The following TSC2 variants were observed in gnomAD, a reference collection of about 807,000 sequenced individuals.
The protein encoded by TSC2 is TSC complex subunit 2.
TSC2 carries 29 observed loss-of-function variants against 202.2 expected under a neutral mutation model. The ratio of observed to expected loss-of-function variants is 0.14; its 90% CI spans 0.11 to 0.20. The LOEUF (loss-of-function observed/expected upper bound fraction) is 0.20. TSC2 is among the 10% of genes least tolerant of loss of function. The pLI, the probability that TSC2 is intolerant of heterozygous loss-of-function variation, is 1.00. For missense variants in TSC2, 2,429 were observed against 2,420.0 expected (o/e 1.00, Z -0.08); for synonymous variants, 1,349 against 1,044.0 (o/e 1.29, Z -5.63).
chr16:2,075,885 CCCT>C lies in TSC2; in HGVS notation c.2635_2637del (p.Ser879del). The C allele has an allele frequency of 6.2e-7, 1 of 1,613,220 alleles. No homozygotes were observed. The highest frequency in any genetic ancestry group is 1.1e-5 in the South Asian group (1 of 91,088). On this transcript the variant is annotated inframe_deletion, in exon 23 of 42. Transcript: ENST00000219476. ...CGCCATCTCCCTGCCGTACACCAACCCCTCCAAGTGAGTGGTCGCCCCAGGCCC... is the reference window on the plus strand; with the variant it reads ...CGCCATCTCCCTGCCGTACACCAACCCCAAGTGAGTGGTCGCCCCAGGCCC...
At position 2,080,391 on chromosome 16, in the gene TSC2, C is replaced by T. The variant is rs2089984145; in HGVS notation, c.3610+14C>T. 6.2e-7 allele frequency: 1 copy of T among 1,608,850 alleles called. No individual in the cohort carries two copies. The highest frequency in any genetic ancestry group is 8.5e-7 in the Non-Finnish European group (1 of 1,178,558). On this transcript the variant is annotated intron_variant, in intron 30 of 41. Transcript: ENST00000219476. ...GGAGGCCCACAGGTACTGGGCGGGG[C>T]TGGCCTGAGCGCCATCTTTCTGCCA...
intron 6 of TSC2, 61 bp from the exon 7 acceptor site, chr16:2,056,135 G>C: frequency 6.2e-7 from 1 of 1,606,616 alleles, no homozygotes; most frequent in Non-Finnish European, 8.5e-7. Flanking sequence ...CTAGACCACA[G>C]CCCGTGGTGG....
intron 25 of TSC2, chr16:2,077,376 C>T: frequency 1.5e-6 from 1 of 650,936 alleles, no homozygotes; most frequent in South Asian, 1.8e-5. Context: ...CTTACTTGTT[C>T]TCAGTCATGT....
At position 2,088,101 on chromosome 16, in the gene TSC2, C is replaced by G. The variant is rs1168265181; in HGVS notation, c.5122C>G (p.Leu1708Val). Residue 1708 changes from leucine (L) to valine (V), a missense_variant, in exon 40 of 42, where the codon CTG becomes GTG. Physicochemically the swap from Leu to Val is conservative, Grantham distance 32. Coordinates refer to ENST00000219476, the MANE Select transcript of TSC2 (RefSeq NM_000548.5). ...SVAKIVSDRN[L>V]PFVARQMALH... Reference sequence around the variant, plus strand: ...GGCCAAGATCGTGTCTGACCGCAACCTGCCCTTCGTGGCCCGCCAGATGGC... The same window carrying G: ...GGCCAAGATCGTGTCTGACCGCAACGTGCCCTTCGTGGCCCGCCAGATGGC... The G allele has an allele frequency of 1.2e-6, 2 of 1,612,956 alleles. No homozygotes were observed. Among genetic ancestry groups the G allele is most frequent in the South Asian group, 1.1e-5 (1 of 91,090 alleles).
chr16:2,070,681 G>A, intron 17 of TSC2, 103 bp downstream of exon 17: 2 of 1,565,764 alleles, frequency 1.3e-6, no homozygotes, highest in Non-Finnish European at 1.7e-6. Flanking sequence ...CCCCAGGATG[G>A]GGCCTCAGCT....
In TSC2 at chr16:2,088,070, C is replaced by G. The variant is rs111675922; in HGVS notation, c.5091C>G (p.Thr1697=). ...CAGACATGGAGGGCCTTGTGGACACCAGCGTGGCCAAGATCGTGTCTGACC... is the reference window on the plus strand; with the variant it reads ...CAGACATGGAGGGCCTTGTGGACACGAGCGTGGCCAAGATCGTGTCTGACC... The part of the protein sequence containing the change: ...CRKDMEGLVD[T]SVAKIVSDRN... The change falls in exon 40 of 42, where the codon ACC becomes ACG. Residue 1697 remains threonine, a synonymous_variant. Transcript: ENST00000219476. 6.2e-7 allele frequency: 1 copy of G among 1,612,760 alleles called. No homozygotes were observed. Among genetic ancestry groups the G allele is most frequent in the South Asian group, 1.1e-5 (1 of 91,084 alleles).
chr16:2,048,147 C>T, intron 1 of TSC2, 82 bp downstream of exon 1: 1 of 1,530,296 alleles, frequency 6.5e-7, no homozygotes, highest in South Asian at 1.2e-5. Context: ...TGTCCGGGTC[C>T]CGGGCCCTCA....
rs2085629084 is a variant in TSC2, at chr16:2,055,262, T to G, written c.482-140T>G. 6.5e-6 allele frequency: 5 copies of G among 766,864 alleles called. No individual in the cohort carries two copies. The East Asian group carries it at 1.2e-4, about 19-fold the overall frequency. The allele number at this position is 766,864 out of a possible 1,614,324, so 47.5% of individuals were successfully genotyped here. A position where few individuals can be genotyped will look rare whatever the true frequency, so the allele number is the denominator to read the frequency against. On this transcript the variant is annotated intron_variant, in intron 5 of 41. Transcript: ENST00000219476. Reference sequence around the variant, plus strand: ...GAGCCTCTTCGGGCCCAGTGCGTGGTCTGTCTGTTGCTGCCGGGGGACTGA... The same window carrying G: ...GAGCCTCTTCGGGCCCAGTGCGTGGGCTGTCTGTTGCTGCCGGGGGACTGA...
chr16:2,079,811 C>A lies in TSC2; in HGVS notation c.3397+142C>A, dbSNP rs1012020296. The A allele has an allele frequency of 3.0e-5, 24 of 805,794 alleles. No individual in the cohort carries two copies. Among genetic ancestry groups the A allele is most frequent in the Non-Finnish European group, 3.6e-5 (19 of 523,142 alleles). The allele number at this position is 805,794 out of a possible 1,614,324, so 49.9% of individuals were successfully genotyped here. A position where few individuals can be genotyped will look rare whatever the true frequency, so the allele number is the denominator to read the frequency against. On this transcript the variant is annotated intron_variant, in intron 29 of 41. Coordinates refer to ENST00000219476, the MANE Select transcript of TSC2 (RefSeq NM_000548.5). This position sits in a 1 kb window ranked among gnomAD's most constrained non-coding sequence, Gnocchi z 4.6. ...GCCCACGTCCTGACTCTGGGGTGAG[C>A]CTTCCACAGCTCACCCCAGAGCCGT...
chr16:2,064,645 A>T, intron 15 of TSC2: 1 of 688,024 alleles, frequency 1.5e-6, no homozygotes, highest in East Asian at 2.8e-5. Flanking sequence ...GTGTCCTGTC[A>T]CACTCTGGGA....
chr16:2,086,108 C>T (rs1327687762), intron 36 of TSC2, 85 bp from the exon 37 acceptor site: 9 of 1,539,072 alleles, frequency 5.8e-6, no homozygotes, highest in Non-Finnish European at 8.0e-6. Context: ...GGGCTCCCGG[C>T]AGAGCCTGCT....
chr16:2,075,475 C>T (rs574145274), intron 22 of TSC2, among the ~76,000 whole-genome samples: 7 of 131,344 alleles, frequency 5.3e-5, no homozygotes, highest in Non-Finnish European at 9.3e-5. Flanking sequence ...TGCAGTGAGC[C>T]GGGATCGCGC....
chr16:2,056,091 A>T, intron 6 of TSC2, 105 bp from the exon 7 acceptor site: 6 of 1,469,560 alleles, frequency 4.1e-6, no homozygotes, highest in Non-Finnish European at 5.6e-6. Flanking sequence ...CCCAGGGAGG[A>T]TGAGCCATGC....
At position 2,081,731 on chromosome 16, in the gene TSC2, G is replaced by A. The variant is rs199593904; in HGVS notation, c.3747G>A (p.Leu1249=). The stretch of plus-strand genomic sequence containing the variant: ...TCAAGGAGCACCGGGACACAGCCCT[G>A]TACAAGTCACTGTCGGTGCCGGCAG... ...ERFKEHRDTA[L]YKSLSVPAAS... The change falls in exon 31 of 42, where the codon CTG becomes CTA. Residue 1249 remains leucine (L), a synonymous_variant. Transcript: ENST00000219476. 4.0e-5 allele frequency: 64 copies of A among 1,612,964 alleles called. No individual in the cohort carries two copies. The Admixed American group carries it at 9.5e-4, about 24-fold the overall frequency.
chr16:2,080,302 G>A lies in TSC2; in HGVS notation c.3535G>A (p.Glu1179Lys), dbSNP rs45483391. The A allele has an allele frequency of 3.7e-6, 6 of 1,612,828 alleles. No homozygotes were observed. Among genetic ancestry groups the A allele is most frequent in the African/African-American group, 1.3e-5 (1 of 74,946 alleles). Residue 1179 changes from glutamate to lysine, a missense_variant, in exon 30 of 42, where the codon GAG becomes AAG. Transcript: ENST00000219476. ...AGCTGGCACCCGGGTTCCTGTGCAG[G>A]AGAAGACGAACCTGGCGGCCTATGT... ...ASAGTRVPVQ[E>K]KTNLAAYVPL...
At chr16:2,082,244 C>T (rs770508967) in intron 31 of TSC2, 192 bp from the exon 32 acceptor site, 7 of 652,106 alleles carry the variant, frequency 1.1e-5, no homozygotes, top group Middle Eastern at 4.1e-4. Flanking sequence ...CGTCTATTCA[C>T]GGGAGGAGGG....
intron 16 of TSC2, 79 bp from the exon 17 acceptor site, chr16:2,070,377 C>A: frequency 1.9e-6 from 3 of 1,611,954 alleles, no homozygotes; most frequent in Non-Finnish European, 2.5e-6. Context: ...GCCCCGGCCC[C>A]TGCTCCGGGA....
chr16:2,056,996 C>T (rs2085931809), intron 8 of TSC2, 109 bp from the exon 9 acceptor site: 1 of 1,457,556 alleles, frequency 6.9e-7, no homozygotes. Flanking sequence ...GGCGAGCTGG[C>T]CGGACCTTGG....
At chr16:2,054,901 G>A (rs189000388) in intron 5 of TSC2, 7 of 329,246 alleles carry the variant, frequency 2.1e-5, no homozygotes, top group Admixed American at 8.9e-5. Context: ...GGAAGAGATC[G>A]GTCTGACTCT....
Sources: allele counts gnomAD v4.1 joint callset (sites outside exome capture counted in the v4.1 genomes callset), GRCh38; gene constraint gnomAD v4.1.1; non-coding constraint Gnocchi (gnomAD v3.1); transcripts MANE v1.5; gene names NCBI Gene and HGNC (gene_info 2026-07-23, HGNC 2026-07-21).